NKAIN2: variants seen among roughly 807,000 people sequenced by gnomAD.
NKAIN2 encodes the protein sodium/potassium transporting ATPase interacting 2.
A neutral mutation model predicts 32.6 loss-of-function variants in NKAIN2; 14 were observed. The ratio of observed to expected loss-of-function variants is 0.43; its 90% CI spans 0.28 to 0.67. The LOEUF is 0.67. Ranked by LOEUF, NKAIN2 falls within the 30% of genes least tolerant of loss-of-function variation. The probability of loss-of-function intolerance (pLI) is 0.17; values close to 1 mark genes in which losing one functional copy is unlikely to be tolerated. For synonymous variants in NKAIN2, 80 were observed against 87.2 expected (o/e 0.92, Z 0.46); for missense variants, 198 against 258.3 (o/e 0.77, Z 1.60).
intron 1 of NKAIN2, among the ~76,000 whole-genome samples, chr6:123,907,361 A>G (rs767190714): frequency 6.6e-6 from 1 of 152,224 alleles, no homozygotes; most frequent in Non-Finnish European, 1.5e-5. Context: ...TAGATCTAAC[A>G]TTTGATAGCT....
chr6:124,679,144 C>T (rs892178941), intron 4 of NKAIN2, among the ~76,000 whole-genome samples: 4 of 151,940 alleles, frequency 2.6e-5, no homozygotes, highest in African/African-American at 9.7e-5. Flanking sequence ...CTGGACAGCC[C>T]ACCCCCAAAA....
At chr6:124,815,822 G>T (rs1781138224) in intron 5 of NKAIN2, among the ~76,000 whole-genome samples, 1 of 152,044 alleles carries the variant, frequency 6.6e-6, no homozygotes, top group Non-Finnish European at 1.5e-5. Context: ...AAGAAATTTT[G>T]AATTTTTTGA....
chr6:124,723,917 T>C (rs1345729597), intron 4 of NKAIN2, among the ~76,000 whole-genome samples: 1 of 152,234 alleles, frequency 6.6e-6, no homozygotes, highest in Non-Finnish European at 1.5e-5. Context: ...TGCTGGTATT[T>C]TTATGCTTCT....
At chr6:124,162,394 T>C (rs1788327043) in intron 1 of NKAIN2, among the ~76,000 whole-genome samples, 1 of 152,112 alleles carries the variant, frequency 6.6e-6, no homozygotes, top group African/African-American at 2.4e-5. Context: ...TTGAATGAGA[T>C]GGTATTAAAT....
At chr6:124,042,346 T>A (rs1001921258) in intron 1 of NKAIN2, among the ~76,000 whole-genome samples, 7 of 152,046 alleles carry the variant, frequency 4.6e-5, no homozygotes, top group Non-Finnish European at 8.8e-5. Flanking sequence ...CTTATACCCC[T>A]CCAGACTGAC....
intron 1 of NKAIN2, among the ~76,000 whole-genome samples, chr6:123,905,967 ATTGTT>A (rs752737300): frequency 2.6e-4 from 39 of 152,270 alleles, no homozygotes; most frequent in East Asian, 1.2e-3. Flanking sequence ...GGATTTTGGA[ATTGTT>A]TTGTGCCTTT....
intron 1 of NKAIN2, among the ~76,000 whole-genome samples, chr6:124,112,969 C>G (rs1258085586): frequency 6.6e-6 from 1 of 151,898 alleles, no homozygotes; most frequent in African/African-American, 2.4e-5. Flanking sequence ...GGCTCTCAAC[C>G]TTATGAAAGT....
chr6:124,763,242 T>C lies in NKAIN2; in HGVS notation c.475-28097T>C, dbSNP rs148784739. 6.6e-4 allele frequency among the ~76,000 whole-genome samples: 100 copies of C among 152,274 alleles called. No individual in the cohort carries two copies. The East Asian group carries it at 0.018, about 27-fold the overall frequency. The stretch of plus-strand genomic sequence containing the variant: ...TTGTACAACATGGTGACTATATGTA[T>C]AATATTAGTTCTTGCACTGCTATAA... On this transcript the variant is annotated intron_variant, in intron 4 of 6. Transcript: ENST00000368417.
intron 3 of NKAIN2, among the ~76,000 whole-genome samples, chr6:124,389,777 G>T (rs958945625): frequency 4.7e-5 from 7 of 150,192 alleles, no homozygotes; most frequent in East Asian, 2.0e-4. Flanking sequence ...CTGTAGAAAA[G>T]AAAATAAAAG....
Position 123,849,949 on chromosome 6 carries a change from G to GTTTTTTTTTTTTTTTTTTTT in NKAIN2, c.54+45707_54+45708insTTTTTTTTTTTTTTTTTTTT, listed in dbSNP as rs777466801. Reference sequence around the variant, plus strand: ...TGGTTTCACTCTGTAACTCAGGCTGGTTTTTTTTTTTTGTTTGTTTGTTTT... The same window carrying GTTTTTTTTTTTTTTTTTTTT: ...TGGTTTCACTCTGTAACTCAGGCTGGTTTTTTTTTTTTTTTTTTTTTTTTTTTTTTTTGTTTGTTTGTTTT... On this transcript the variant is annotated intron_variant, in intron 1 of 6. Coordinates refer to ENST00000368417, the MANE Select transcript of NKAIN2 (RefSeq NM_001040214.3). 7.2e-4 allele frequency among the ~76,000 whole-genome samples: 28 copies of GTTTTTTTTTTTTTTTTTTTT among 38,724 alleles called. 2 individuals carry two copies. Among genetic ancestry groups the GTTTTTTTTTTTTTTTTTTTT allele is most frequent in the African/African-American group, 1.0e-3 (25 of 24,354 alleles). 25.4% of individuals were successfully genotyped at this position (38,724 alleles called of 152,430 possible).
At chr6:124,038,187 G>C (rs909280177) in intron 1 of NKAIN2, among the ~76,000 whole-genome samples, 1 of 151,882 alleles carries the variant, frequency 6.6e-6, no homozygotes, top group African/African-American at 2.4e-5. Context: ...TTTAGAGGAG[G>C]CTAAAATATG....
chr6:124,075,179 T>A (rs1783639506), intron 1 of NKAIN2, among the ~76,000 whole-genome samples: 2 of 152,090 alleles, frequency 1.3e-5, no homozygotes, highest in Non-Finnish European at 2.9e-5. Flanking sequence ...ATAAACCTAT[T>A]GGAAAACTTC....
At chr6:124,607,971 A>G (rs1782557986) in intron 3 of NKAIN2, among the ~76,000 whole-genome samples, 1 of 152,138 alleles carries the variant, frequency 6.6e-6, no homozygotes, top group Admixed American at 6.5e-5. Flanking sequence ...ACGCTAAGCT[A>G]TGATGTTAGG....
intron 4 of NKAIN2, among the ~76,000 whole-genome samples, chr6:124,783,480 G>A (rs189795768): frequency 1.3e-5 from 2 of 152,274 alleles, no homozygotes; most frequent in Admixed American, 1.3e-4. Flanking sequence ...CTGATCCTCT[G>A]AAAAGCTTTT....
chr6:124,342,139 C>A (rs142519833), intron 2 of NKAIN2, among the ~76,000 whole-genome samples: 23 of 152,126 alleles, frequency 1.5e-4, no homozygotes, highest in South Asian at 6.2e-4. Context: ...CGGTGGCTCA[C>A]GCCTGTAATC....
chr6:124,026,608 A>G (rs747875817), intron 1 of NKAIN2, among the ~76,000 whole-genome samples: 2 of 152,212 alleles, frequency 1.3e-5, no homozygotes, highest in Non-Finnish European at 2.9e-5. Flanking sequence ...AGAGACACTC[A>G]TCATCAATCA....
chr6:124,366,584 G>A (rs771700144), intron 3 of NKAIN2, among the ~76,000 whole-genome samples: 36 of 151,956 alleles, frequency 2.4e-4, no homozygotes, highest in African/African-American at 8.2e-4. Flanking sequence ...ATCTTTTGAG[G>A]CCAGTATAAC....
chr6:124,671,830 T>C (rs1001735782), intron 4 of NKAIN2, among the ~76,000 whole-genome samples: 5 of 152,164 alleles, frequency 3.3e-5, no homozygotes, highest in South Asian at 2.1e-4. Context: ...CACCATTTCA[T>C]TTTCAGTTCT....
chr6:124,606,657 A>G (rs777838343), intron 3 of NKAIN2, among the ~76,000 whole-genome samples: 2 of 152,178 alleles, frequency 1.3e-5, no homozygotes, highest in African/African-American at 4.8e-5. Flanking sequence ...TAGAAATGAT[A>G]TATGCATTAA....
Sources: gnomAD v4.1 joint callset for allele counts (sites outside exome capture counted in the v4.1 genomes callset) on GRCh38, gnomAD v4.1.1 for gene constraint, MANE v1.5 for transcripts, NCBI Gene and HGNC (gene_info 2026-07-23, HGNC 2026-07-21) for gene names.